The following POU2F3 variants were observed in gnomAD, a reference collection of about 807,000 sequenced individuals.
The protein encoded by POU2F3 is POU domain, class 2, transcription factor 3.
Under a neutral mutation model 59.2 loss-of-function variants are expected in POU2F3, and 23 were observed. That is an observed-to-expected ratio of 0.39 (90% CI 0.28 to 0.55). The LOEUF (loss-of-function observed/expected upper bound fraction) is 0.55. POU2F3 is among the 20% of genes least tolerant of loss of function. The probability of loss-of-function intolerance (pLI) is 0.66; values close to 1 mark genes in which losing one functional copy is unlikely to be tolerated. For synonymous variants in POU2F3, 190 were observed against 214.6 expected (o/e 0.89, Z 1.00); for missense variants, 473 against 544.5 (o/e 0.87, Z 1.31).
At chr11:120,246,950 G>A (rs1172062239) in intron 2 of POU2F3, among the ~76,000 whole-genome samples, 2 of 152,278 alleles carry the variant, frequency 1.3e-5, no homozygotes, top group East Asian at 3.9e-4. Flanking sequence ...GTGCATGTGG[G>A]TGGCAAATAG....
At chr11:120,300,312 T>C (rs546203075) in intron 5 of POU2F3, among the ~76,000 whole-genome samples, 1 of 152,238 alleles carries the variant, frequency 6.6e-6, no homozygotes, top group African/African-American at 2.4e-5. Context: ...GAGTAATTTT[T>C]CTGACATTCC....
intron 11 of POU2F3, among the ~76,000 whole-genome samples, chr11:120,316,086 CTGGTCT>C (rs1377815828): frequency 6.6e-6 from 1 of 152,008 alleles, no homozygotes; most frequent in African/African-American, 2.4e-5. Flanking sequence ...GTTGGTCAGG[CTGGTCT>C]TGAACTCCTG....
intron 2 of POU2F3, among the ~76,000 whole-genome samples, chr11:120,263,139 G>A (rs1939676130): frequency 6.6e-6 from 1 of 152,008 alleles, no homozygotes; most frequent in Admixed American, 6.6e-5. Context: ...TTACAGGCAT[G>A]TGCCACCACA....
rs751794623 is a variant in POU2F3, at chr11:120,302,380, CA to C, written c.444+13del. On this transcript the variant is annotated intron_variant, in intron 6 of 12. Coordinates refer to ENST00000543440, the MANE Select transcript of POU2F3 (RefSeq NM_014352.4). ...GACTGGCATCCCAGGTAAACAACCC[CA>C]TTCTTCCTGTTTCCTCTAGGAATGT... 2.5e-6 allele frequency: 4 copies of C among 1,575,884 alleles called. No individual in the cohort carries two copies. The highest frequency in any genetic ancestry group is 3.5e-6 in the Non-Finnish European group (4 of 1,145,550).
intron 3 of POU2F3, among the ~76,000 whole-genome samples, chr11:120,283,568 T>A (rs993164317): frequency 9.2e-5 from 14 of 151,994 alleles, no homozygotes; most frequent in African/African-American, 3.4e-4. Context: ...TGATGGAAGC[T>A]CCCGAAAGCA....
chr11:120,272,116 G>C (rs1026657807), intron 3 of POU2F3, among the ~76,000 whole-genome samples: 1 of 152,128 alleles, frequency 6.6e-6, no homozygotes, highest in Non-Finnish European at 1.5e-5. Flanking sequence ...GGGGCAAGGC[G>C]CTTCTGGCAC....
intron 2 of POU2F3, among the ~76,000 whole-genome samples, chr11:120,264,871 C>T (rs1302599386): frequency 6.6e-6 from 1 of 152,226 alleles, no homozygotes; most frequent in East Asian, 1.9e-4. Context: ...TTCTGGTGAT[C>T]GTGGACCAGT....
At chr11:120,267,737 T>TG (rs1240774126) in intron 2 of POU2F3, among the ~76,000 whole-genome samples, 15 of 149,424 alleles carry the variant, frequency 1.0e-4, no homozygotes, top group Admixed American at 2.6e-4. Flanking sequence ...TTGTGGCCAC[T>TG]GAGGACAAAA....
At position 120,285,638 on chromosome 11, in the gene POU2F3, T is replaced by C. The variant is rs1940752797; in HGVS notation, c.133-12627T>C. Among the ~76,000 whole-genome samples the C allele has an allele frequency of 6.6e-6, 1 of 152,236 alleles. No individual in the cohort carries two copies. Among genetic ancestry groups the C allele is most frequent in the Non-Finnish European group, 1.5e-5 (1 of 68,042 alleles). ...TTATCCCTGTTCATGCTCAGTCCTC[T>C]TCCCAGAGGTAACTCCTTTTATCAG... On this transcript the variant is annotated intron_variant, in intron 3 of 12. Coordinates refer to ENST00000543440, the MANE Select transcript of POU2F3 (RefSeq NM_014352.4). This position sits in a 1 kb window ranked among gnomAD's most constrained non-coding sequence, Gnocchi z 4.3.
chr11:120,269,883 G>A (rs1347209011), intron 3 of POU2F3, among the ~76,000 whole-genome samples: 1 of 152,126 alleles, frequency 6.6e-6, no homozygotes, highest in Non-Finnish European at 1.5e-5. Context: ...GAAGCCGAGG[G>A]AGAGGACTTG....
chr11:120,304,339 A>AAAAAAAAAAAAAAAAAG (rs368735249), intron 6 of POU2F3: 2 of 141,784 alleles, frequency 1.4e-5, no homozygotes, highest in East Asian at 2.4e-4. Context: ...TCAAAAAAAA[A>AAAAAAAAAAAAAAAAAG]AAGAAGAAGA....
At chr11:120,238,459 A>G (rs1349892728), upstream of POU2F3, among the ~76,000 whole-genome samples, 1 of 152,014 alleles carries the variant, frequency 6.6e-6, no homozygotes, top group East Asian at 1.9e-4. Context: ...GGGTGCTGGC[A>G]CTAGAATGAA....
At chr11:120,273,435 G>T (rs1052542888) in intron 3 of POU2F3, among the ~76,000 whole-genome samples, 2 of 152,328 alleles carry the variant, frequency 1.3e-5, no homozygotes, top group African/African-American at 4.8e-5. Context: ...AGCAGAGAGG[G>T]TTGGCAGGAA....
intron 3 of POU2F3, among the ~76,000 whole-genome samples, chr11:120,294,063 G>C (rs1256567741): frequency 6.6e-6 from 1 of 152,180 alleles, no homozygotes; most frequent in African/African-American, 2.4e-5. Flanking sequence ...AAGGAGGGAT[G>C]CAGAAAGGGC....
chr11:120,257,503 G>A (rs1179852387), intron 2 of POU2F3, among the ~76,000 whole-genome samples: 5 of 151,900 alleles, frequency 3.3e-5, no homozygotes, highest in Non-Finnish European at 5.9e-5. Context: ...CTGGGGTCCC[G>A]CGGCTCTAGC....
At chr11:120,282,712 A>ATG (rs941728962) in intron 3 of POU2F3, among the ~76,000 whole-genome samples, 12 of 152,218 alleles carry the variant, frequency 7.9e-5, no homozygotes, top group Non-Finnish European at 2.9e-5. Context: ...AGATCAAAGA[A>ATG]TGAATTTTTA....
chr11:120,310,118 T>G (rs1021628620), intron 10 of POU2F3, among the ~76,000 whole-genome samples: 1 of 152,060 alleles, frequency 6.6e-6, no homozygotes, highest in Non-Finnish European at 1.5e-5. Context: ...GGCTGCTATG[T>G]GGGGAATAAT....
intron 1 of POU2F3, among the ~76,000 whole-genome samples, chr11:120,242,637 G>T (rs551196970): frequency 1.3e-5 from 2 of 152,264 alleles, no homozygotes; most frequent in East Asian, 3.9e-4. Flanking sequence ...TAGAGCATAG[G>T]CTTGCTCCCG....
chr11:120,298,775 T>C (rs1254272850), intron 4 of POU2F3, among the ~76,000 whole-genome samples: 1 of 152,082 alleles, frequency 6.6e-6, no homozygotes, highest in Admixed American at 6.5e-5. Flanking sequence ...CAAACTAGAA[T>C]GGAGTGCTGG....
Sources: gnomAD v4.1 joint callset for allele counts (sites outside exome capture counted in the v4.1 genomes callset) on GRCh38, gnomAD v4.1.1 for gene constraint, Gnocchi (gnomAD v3.1) non-coding constraint, MANE v1.5 for transcripts, NCBI Gene and HGNC (gene_info 2026-07-23, HGNC 2026-07-21) for gene names.